Variants in ERCC5 observed in about 807,000 individuals in gnomAD.
ERCC5 encodes the protein DNA excision repair protein ERCC-5.
A neutral mutation model predicts 105.6 loss-of-function variants in ERCC5; 68 were observed. That is an observed-to-expected ratio of 0.64 (90% CI 0.53 to 0.79). The LOEUF is 0.79. ERCC5 is among the 30% of genes least tolerant of loss of function. ERCC5 has a pLI of 0.00. For synonymous variants in ERCC5, 546 were observed against 526.2 expected, an observed-to-expected ratio of 1.04 and a Z score of -0.51; for missense variants, 1,373 against 1,426.7, an observed-to-expected ratio of 0.96 and a Z score of 0.61.
intron 13 of ERCC5, 45 bp from the exon 14 acceptor site, chr13:102,873,214 G>C (rs371621928): frequency 6.2e-7 from 1 of 1,611,016 alleles, no homozygotes. Flanking sequence ...TTTGTCACTT[G>C]TTTAAATATC....
At position 102,866,005 on chromosome 13, in the gene ERCC5, G is replaced by C. The variant is rs1882820771; in HGVS notation, c.2199+94G>C. On this transcript the variant is annotated intron_variant, in intron 9 of 14. Coordinates refer to ENST00000652225, the MANE Select transcript of ERCC5 (RefSeq NM_000123.4). ...GGAGTTGGTGGATGAGTATTTAGTA[G>C]CTATTTGCAGTACATCTTGTGGTTG... 5 of 1,605,688 alleles carry C rather than the reference G, an allele frequency of 3.1e-6. No homozygotes were observed. The Admixed American group carries it at 8.3e-5, about 27-fold the overall frequency.
rs981668594 is a variant in ERCC5, at chr13:102,861,833, G to T, written c.880+119G>T. On this transcript the variant is annotated intron_variant, in intron 7 of 14. Transcript: ENST00000652225. ...ATGAAATTCTATTTATGTAATAACT[G>T]TATACTGCTATTAATGGATTAACTA... 5 of 1,382,392 alleles carry T rather than the reference G, an allele frequency of 3.6e-6. No individual in the cohort carries two copies. The African/African-American group carries it at 5.8e-5, about 16-fold the overall frequency. 85.6% of individuals were successfully genotyped at this position (1,382,392 alleles called of 1,614,324 possible).
chr13:102,853,517 G>A (rs546805628), intron 2 of ERCC5, among the ~76,000 whole-genome samples: 2 of 152,356 alleles, frequency 1.3e-5, no homozygotes, highest in African/African-American at 2.4e-5. Flanking sequence ...GAAACTGAAA[G>A]TAAATTAAGT....
rs761011180 is a variant in ERCC5 at position 102,856,092 on chromosome 13, A to G, written c.508A>G (p.Asn170Asp). 3.7e-6 allele frequency: 6 copies of G among 1,613,980 alleles called. No homozygotes were observed. The East Asian group carries it at 1.3e-4, about 36-fold the overall frequency. The change falls in exon 5 of 15, where the codon AAT becomes GAT. Residue 170 changes from asparagine (N) to aspartate (D), a missense_variant. Asn to Asp is a conservative substitution (Grantham distance 23, BLOSUM62 1). This residue lies in a region of ERCC5 where 1,004 missense variants were observed against 1,059.7 expected (regional missense o/e 0.95). Transcript: ENST00000652225. ...EDEKEWQERM[N>D]QKQALQEEFF... Reference sequence around the variant, plus strand: ...TGAAAAAGAATGGCAAGAAAGAATGAATCAAAAACAAGCATTACAGGTATT... The same window carrying G: ...TGAAAAAGAATGGCAAGAAAGAATGGATCAAAAACAAGCATTACAGGTATT...
In ERCC5 at chr13:102,875,323, ATTCC is replaced by A; in HGVS notation, c.2985_2988del (p.Phe996LeufsTer3). On this transcript the variant is annotated frameshift_variant, in exon 15 of 15. Transcript: ENST00000652225. LOFTEE classifies it low-confidence loss of function (END_TRUNC). ...TTTTTTTAGACACAGCTCCGAATTGATTCCTTCTTTAGATTAGCACAACAGGAGA... is the reference window on the plus strand; with the variant it reads ...TTTTTTTAGACACAGCTCCGAATTGATTCTTTAGATTAGCACAACAGGAGA... The A allele has an allele frequency of 6.2e-7, 1 of 1,613,940 alleles. No individual in the cohort carries two copies. The highest frequency in any genetic ancestry group is 8.5e-7 in the Non-Finnish European group (1 of 1,179,988).
rs1882806010 is a variant in ERCC5 at position 102,865,679 on chromosome 13, A to C, written c.1967A>C (p.Glu656Ala). 2 of 1,613,736 alleles carry C rather than the reference A, an allele frequency of 1.2e-6. No homozygotes were observed. The highest frequency in any genetic ancestry group is 4.5e-5 in the East Asian group (2 of 44,868). The change falls in exon 9 of 15, where the codon GAA becomes GCA. Residue 656 changes from glutamate to alanine, a missense_variant. Physicochemically the swap from Glu to Ala is moderately radical, Grantham distance 107 (BLOSUM62 -1). Transcript: ENST00000652225. This position sits in a 1 kb window ranked among gnomAD's most constrained non-coding sequence, Gnocchi z 4.0. ...AATTTTGGTACAGGAAGTTTCATTG[A>C]AGTGCAAAGTGTGATTAGTGATGAG... ...EESESDGSFI[E>A]VQSVISDEEL...
Position 102,872,367 on chromosome 13 carries a change from TG to T in ERCC5, c.2853del (p.Lys952AsnfsTer30). The T allele has an allele frequency of 1.2e-6, 2 of 1,614,186 alleles. No homozygotes were observed. Among genetic ancestry groups the T allele is most frequent in the Non-Finnish European group, 1.7e-6 (2 of 1,180,044 alleles). On this transcript the variant is annotated frameshift_variant, in exon 13 of 15. Coordinates refer to ENST00000652225, the MANE Select transcript of ERCC5 (RefSeq NM_000123.4). LOFTEE classifies it high-confidence loss of function. ...GGATGACTCGAAGGGATCCTTTCTG[TG>T]GGGGAAACCTGATCTCGACAAAATT... ...VVDDSKGSFLWGKPDLDKIRE... is the reference protein window; with the variant it reads ...VVDDSKGSFLXGKPDLDKIRE...
At chr13:102,870,530 C>T (rs1312622390) in intron 12 of ERCC5, among the ~76,000 whole-genome samples, 3 of 152,200 alleles carry the variant, frequency 2.0e-5, no homozygotes, top group East Asian at 3.9e-4. Flanking sequence ...GTAACCATAG[C>T]TTTGGCTTGA....
At chr13:102,848,026 G>A (rs768699060) in intron 1 of ERCC5, among the ~76,000 whole-genome samples, 3 of 152,168 alleles carry the variant, frequency 2.0e-5, no homozygotes, top group Non-Finnish European at 4.4e-5. Context: ...GGACGTGGTG[G>A]CCTGCACCTT....
intron 9 of ERCC5, 174 bp from the exon 10 acceptor site, chr13:102,866,088 G>A: frequency 6.9e-7 from 1 of 1,457,132 alleles, no homozygotes; most frequent in Non-Finnish European, 9.5e-7. Context: ...TTTCCATGTG[G>A]TTTAGTGATG....
At chr13:102,866,520 C>A in intron 10 of ERCC5, 112 bp from the exon 11 acceptor site, 1 of 1,600,652 alleles carries the variant, frequency 6.2e-7, no homozygotes, top group East Asian at 2.2e-5. Flanking sequence ...CTGTGTGTCC[C>A]TAACTCTGCA....
rs190678427 is a variant in ERCC5, at chr13:102,861,074, T to G, written c.673-433T>G. Among the ~76,000 whole-genome samples, 140 of 151,564 alleles carry G rather than the reference T, an allele frequency of 9.2e-4. 1 individual carries two copies. Among genetic ancestry groups the G allele is most frequent in the African/African-American group, 3.1e-3 (126 of 41,298 alleles). On this transcript the variant is annotated intron_variant, in intron 6 of 14. Transcript: ENST00000652225. The stretch of plus-strand genomic sequence containing the variant: ...CACAATCTCGGCTCACTGCAACCTC[T>G]GCCTCCCCGGTTCAAGTGATTCTCC...
At chr13:102,870,150 GGGGCTGCATTGGGCCT>G (rs1339395592) in intron 12 of ERCC5, among the ~76,000 whole-genome samples, 1 of 152,198 alleles carries the variant, frequency 6.6e-6, no homozygotes, top group Non-Finnish European at 1.5e-5. Flanking sequence ...TTCTTAGAGT[GGGGCTGCATTGGGCCT>G]GCAGGTTGAA....
In ERCC5 at chr13:102,866,645, T is replaced by C. The variant is rs929424117; in HGVS notation, c.2333T>C (p.Leu778Pro). 1.9e-6 allele frequency: 3 copies of C among 1,613,522 alleles called. No individual in the cohort carries two copies. Among genetic ancestry groups the C allele is most frequent in the East Asian group, 2.2e-5 (1 of 44,882 alleles). Reference protein sequence around the residue: ...MFLESQELLRLFGIPYIQAPM... With the variant: ...MFLESQELLRPFGIPYIQAPM... ...CTCACTCTGCAGGAACTCCTGCGCCTGTTCGGCATTCCCTACATCCAGGCT... is the reference window on the plus strand; with the variant it reads ...CTCACTCTGCAGGAACTCCTGCGCCCGTTCGGCATTCCCTACATCCAGGCT... The change falls in exon 11 of 15, where the codon CTG becomes CCG. Residue 778 changes from leucine (L) to proline (P), a missense_variant. By Grantham distance (98) the Leu-to-Pro change is moderately conservative. Coordinates refer to ENST00000652225, the MANE Select transcript of ERCC5 (RefSeq NM_000123.4).
At chr13:102,863,991 G>A (rs1228503558) in intron 8 of ERCC5, among the ~76,000 whole-genome samples, 3 of 152,078 alleles carry the variant, frequency 2.0e-5, no homozygotes, top group Non-Finnish European at 4.4e-5. Context: ...TATATGAAAT[G>A]TGTTCATATA....
chr13:102,873,257 A>G lies in ERCC5; in HGVS notation c.2880-2A>G. 6.2e-7 allele frequency: 1 copy of G among 1,614,150 alleles called. No individual in the cohort carries two copies. The highest frequency in any genetic ancestry group is 8.5e-7 in the Non-Finnish European group (1 of 1,180,008). ...ATATTTATAAGTCTTAACTGCATGC[A>G]TATTTTGTCAGCGGTATTTCGGCTG... On this transcript the variant is annotated splice_acceptor_variant, in intron 13 of 14. Coordinates refer to ENST00000652225, the MANE Select transcript of ERCC5 (RefSeq NM_000123.4). LOFTEE classifies it high-confidence loss of function.
At position 102,866,618 on chromosome 13, in the gene ERCC5, C is replaced by A; in HGVS notation, c.2320-14C>A. 1 of 1,612,468 alleles carries A rather than the reference C, an allele frequency of 6.2e-7. No individual in the cohort carries two copies. The highest frequency in any genetic ancestry group is 1.1e-5 in the South Asian group (1 of 91,006). On this transcript the variant is annotated splice_polypyrimidine_tract_variant and intron_variant, in intron 10 of 14. Coordinates refer to ENST00000652225, the MANE Select transcript of ERCC5 (RefSeq NM_000123.4). ...CCCTTCCCTGGGCGTCACTGTGTAC[C>A]CCTCACTCTGCAGGAACTCCTGCGC... is the stretch of plus-strand genomic sequence containing the variant.
At chr13:102,849,425 C>T (rs2140514630) in intron 1 of ERCC5, 1 of 519,020 alleles carries the variant, frequency 1.9e-6, no homozygotes, top group African/African-American at 1.9e-5. Context: ...CTGTTTTGTT[C>T]ATGGCTGAAT....
intron 1 of ERCC5, chr13:102,849,386 C>T (rs560672574): frequency 9.6e-6 from 5 of 519,050 alleles, no homozygotes; most frequent in African/African-American, 3.8e-5. Flanking sequence ...TGTCCTGCTG[C>T]ACTGGCTTCC....
Sources: allele counts gnomAD v4.1 joint callset (sites outside exome capture counted in the v4.1 genomes callset), GRCh38; gene constraint gnomAD v4.1.1; regional missense constraint gnomAD v4.1.1; non-coding constraint Gnocchi (gnomAD v3.1); transcripts MANE v1.5; gene names NCBI Gene and HGNC (gene_info 2026-07-23, HGNC 2026-07-21).